The following AHSA1 variants were observed in gnomAD, a reference collection of about 807,000 sequenced individuals.
AHSA1 encodes the protein activator of HSP90 ATPase activity 1, also known as activator of 90 kDa heat shock protein ATPase homolog 1.
AHSA1 carries 14 observed loss-of-function variants against 46.1 expected under a neutral mutation model. The ratio of observed to expected loss-of-function variants is 0.30; its 90% CI spans 0.20 to 0.47. AHSA1 has a LOEUF of 0.47. Ranked by LOEUF, AHSA1 falls within the 20% of genes least tolerant of loss-of-function variation. The probability of loss-of-function intolerance (pLI) is 0.99; values close to 1 mark genes in which losing one functional copy is unlikely to be tolerated. For synonymous variants in AHSA1, 147 were observed against 145.8 expected (o/e 1.01, Z -0.06); for missense variants, 333 against 415.9 (o/e 0.80, Z 1.73).
chr14:77,459,976 T>A, intron 2 of AHSA1, 170 bp downstream of exon 2: 1 of 716,694 alleles, frequency 1.4e-6, no homozygotes, highest in Admixed American at 2.5e-5. Flanking sequence ...TTTGCCATTG[T>A]GGGATGCTAA....
At position 77,462,740 on chromosome 14, in the gene AHSA1, C is replaced by T. The variant is rs1324034759; in HGVS notation, c.453C>T (p.Tyr151=). 3.1e-6 allele frequency: 5 copies of T among 1,613,974 alleles called. No individual in the cohort carries two copies. Among genetic ancestry groups the T allele is most frequent in the Non-Finnish European group, 4.2e-6 (5 of 1,179,940 alleles). The stretch of plus-strand genomic sequence containing the variant: ...TTCTAAGAGAAGCAATGGGAATTTA[C>T]ATCAGCACCCTCAAAACAGGTATCC... ...VKLLREAMGI[Y]ISTLKTEFTQ... The change falls in exon 4 of 9, where the codon TAC becomes TAT. Residue 151 remains tyrosine, a synonymous_variant. Transcript: ENST00000216479.
At chr14:77,464,093 C>T (rs2079037723) in intron 4 of AHSA1, among the ~76,000 whole-genome samples, 1 of 152,148 alleles carries the variant, frequency 6.6e-6, no homozygotes, top group Admixed American at 6.6e-5. Flanking sequence ...AAAATAATCC[C>T]AGTGGCCAGG....
chr14:77,466,689 A>G (rs1244674179), intron 6 of AHSA1, among the ~76,000 whole-genome samples: 1 of 152,260 alleles, frequency 6.6e-6, no homozygotes, highest in African/African-American at 2.4e-5. Context: ...GGTTTTCTAG[A>G]AATTTAAAAA....
intron 6 of AHSA1, among the ~76,000 whole-genome samples, chr14:77,466,861 A>C (rs918556207): frequency 2.6e-5 from 4 of 152,252 alleles, no homozygotes; most frequent in Non-Finnish European, 5.9e-5. Context: ...TGTGGTCTTC[A>C]TGTGAATTGA....
chr14:77,462,477 A>T (rs2079029921), intron 3 of AHSA1, among the ~76,000 whole-genome samples, 165 bp from the exon 4 acceptor site: 1 of 152,230 alleles, frequency 6.6e-6, no homozygotes, highest in Admixed American at 6.5e-5. Flanking sequence ...TAGCCACTTG[A>T]CAGAGAGGAC....
At chr14:77,464,987 A>G (rs1193902205) in intron 5 of AHSA1, among the ~76,000 whole-genome samples, 3 of 152,224 alleles carry the variant, frequency 2.0e-5, no homozygotes, top group Non-Finnish European at 4.4e-5. Flanking sequence ...CTTCACCTAT[A>G]TAAGTCTTCA....
chr14:77,458,316 C>CCAGGGTTT, intron 1 of AHSA1, 47 bp downstream of exon 1: 3 of 1,531,386 alleles, frequency 2.0e-6, no homozygotes, highest in Non-Finnish European at 2.6e-6. Flanking sequence ...TGCGGCCGGG[C>CCAGGGTTT]CAGGGTTTCA....
At chr14:77,465,511 T>C (rs775306471) in intron 5 of AHSA1, 28 bp from the exon 6 acceptor site, 9 of 1,610,666 alleles carry the variant, frequency 5.6e-6, no homozygotes, top group Admixed American at 1.7e-5. Flanking sequence ...TTACTCTGTA[T>C]TGATCATTTT....
chr14:77,462,034 T>G (rs1373839437), intron 2 of AHSA1, 126 bp from the exon 3 acceptor site: 2 of 645,140 alleles, frequency 3.1e-6, no homozygotes, highest in Admixed American at 2.9e-5. Flanking sequence ...GCATGTGGCA[T>G]TCTCAGAATA....
At chr14:77,458,401 T>C in intron 1 of AHSA1, 132 bp downstream of exon 1, 2 of 878,222 alleles carry the variant, frequency 2.3e-6, no homozygotes, top group East Asian at 3.2e-5. Flanking sequence ...GGGTCCTTCC[T>C]GTGGCAGGGG....
intron 7 of AHSA1, 68 bp from the exon 8 acceptor site, chr14:77,468,389 G>C: frequency 6.9e-7 from 1 of 1,456,228 alleles, no homozygotes. Flanking sequence ...AAGGGCAGAT[G>C]ACTGATCCTA....
upstream of AHSA1, chr14:77,458,010 G>A (rs956501579): frequency 7.3e-6 from 4 of 544,736 alleles, no homozygotes; most frequent in Non-Finnish European, 1.3e-5. Context: ...GGAAGTAACC[G>A]GTGGGAGTGG....
chr14:77,461,029 T>TGG (rs1566746266), intron 2 of AHSA1, among the ~76,000 whole-genome samples: 4 of 151,386 alleles, frequency 2.6e-5, no homozygotes, highest in African/African-American at 9.7e-5. Context: ...CGTGGTGGCA[T>TGG]GTGCCTGTAG....
intron 7 of AHSA1, 114 bp from the exon 8 acceptor site, chr14:77,468,343 A>G: frequency 8.3e-7 from 1 of 1,211,782 alleles, no homozygotes; most frequent in Non-Finnish European, 1.2e-6. Flanking sequence ...ACTGTCTTGC[A>G]AGTAATATAA....
At chr14:77,461,052 G>C (rs7149534) in intron 2 of AHSA1, among the ~76,000 whole-genome samples, 41,629 of 151,668 alleles carry the variant, frequency 0.27, 5,958 homozygotes, top group African/African-American at 0.32. Context: ...CCAGCTACTC[G>C]GGAGGCTGAG....
intron 1 of AHSA1, 24 bp from the exon 2 acceptor site, chr14:77,459,592 C>G: frequency 1.2e-6 from 2 of 1,613,112 alleles, no homozygotes; most frequent in Non-Finnish European, 1.7e-6. Context: ...ACTGCTGGTT[C>G]ATAGCTCTGT....
intron 5 of AHSA1, 113 bp from the exon 6 acceptor site, chr14:77,465,426 C>A: frequency 3.2e-6 from 4 of 1,231,302 alleles, no homozygotes; most frequent in East Asian, 2.5e-5. Flanking sequence ...GGAATAATTA[C>A]CCTTGGAGGT....
rs775910302 is a variant in AHSA1, at chr14:77,459,727, T to C, written c.192T>C (p.Leu64=). 6 of 1,614,162 alleles carry C rather than the reference T, an allele frequency of 3.7e-6. No individual in the cohort carries two copies. In the South Asian group the frequency reaches 6.6e-5, roughly 18 times the overall value. Residue 64 remains leucine (L), a synonymous_variant, in exon 2 of 9, where the codon CTT becomes CTC. Transcript: ENST00000216479. ...GTGAGGTGACGGAAGTGAGTAAGCT[T>C]GATGGAGAGGCATCCATTAACAATC... The part of the protein sequence containing the change: ...GKCEVTEVSK[L]DGEASINNRK...
At position 77,464,681 on chromosome 14, in the gene AHSA1, C is replaced by T. The variant is rs751617912; in HGVS notation, c.556C>T (p.Arg186Cys). The change falls in exon 5 of 9, where the codon CGC (arginine) becomes TGC (cysteine). Residue 186 changes from arginine (R) to cysteine (C), a missense_variant. Arg to Cys is a radical substitution (Grantham distance 180). Coordinates refer to ENST00000216479, the MANE Select transcript of AHSA1 (RefSeq NM_012111.3). ...VGQPALKTEERKAKPAPSKTQ... is the reference protein window; with the variant it reads ...VGQPALKTEECKAKPAPSKTQ... ...GCAGCCAGCACTGAAAACTGAGGAG[C>T]GCAAGGTAAATGGTTTTCCTGGGGT... The T allele has an allele frequency of 2.7e-5, 43 of 1,613,054 alleles. No individual in the cohort carries two copies. Among genetic ancestry groups the T allele is most frequent in the Middle Eastern group, 1.8e-4 (1 of 5,642 alleles).
Sources: allele counts gnomAD v4.1 joint callset (sites outside exome capture counted in the v4.1 genomes callset), GRCh38; gene constraint gnomAD v4.1.1; transcripts MANE v1.5; gene names NCBI Gene and HGNC (gene_info 2026-07-23, HGNC 2026-07-21).